Variants in COL4A6 observed in about 807,000 individuals in gnomAD.
The protein encoded by COL4A6 is collagen alpha-6(IV) chain.
Under a neutral mutation model 126.7 loss-of-function variants are expected in COL4A6, and 59 were observed. The observed-to-expected ratio is 0.47, with a 90% CI of 0.38 to 0.58. The LOEUF is 0.58. Ranked by LOEUF, COL4A6 falls within the 20% of genes least tolerant of loss-of-function variation. The pLI is 0.00. For synonymous variants in COL4A6, 547 were observed against 496.6 expected, an observed-to-expected ratio of 1.10 and a Z score of -1.35; for missense variants, 1,285 against 1,337.3, an observed-to-expected ratio of 0.96 and a Z score of 0.61.
chrX:108,179,704 TGAA>T (rs890220975), intron 25 of COL4A6, among the ~76,000 whole-genome samples: 2 of 108,156 alleles, frequency 1.8e-5, no homozygotes, highest in African/African-American at 6.8e-5. Context: ...CTACAGTTGT[TGAA>T]GAACACACGC....
intron 3 of COL4A6, among the ~76,000 whole-genome samples, chrX:108,292,764 C>T (rs11092606): frequency 9.2e-6 from 1 of 109,035 alleles, no homozygotes; most frequent in Non-Finnish European, 1.9e-5. Flanking sequence ...CCCTGAAAGT[C>T]TCAGCCCCCA....
chrX:108,174,255 G>C (rs1219676357), intron 31 of COL4A6, among the ~76,000 whole-genome samples, 185 bp downstream of exon 31: 1 of 111,874 alleles, frequency 8.9e-6, no homozygotes. Flanking sequence ...CAAAAGAACA[G>C]AGGAGGAGAT....
chrX:108,226,514 A>G (rs1448250335), intron 3 of COL4A6, among the ~76,000 whole-genome samples: 1 of 110,958 alleles, frequency 9.0e-6, no homozygotes, highest in African/African-American at 3.3e-5. Context: ...GCTTTAATCT[A>G]CATACTAATG....
At chrX:108,218,643 C>T (rs952030543) in intron 5 of COL4A6, among the ~76,000 whole-genome samples, 10 of 111,738 alleles carry the variant, frequency 8.9e-5, no homozygotes, top group Non-Finnish European at 1.9e-4. Context: ...AGCAGGGGCA[C>T]GTTAAATATC....
intron 3 of COL4A6, among the ~76,000 whole-genome samples, chrX:108,244,028 T>C (rs2036647380): frequency 1.8e-5 from 2 of 111,981 alleles, no homozygotes; most frequent in Admixed American, 1.9e-4. Context: ...ATTTGTATTT[T>C]CTTAACCAAG....
At chrX:108,301,682 C>CTTAATCTCTCTGAAACTTTCT (rs1471231468) in intron 3 of COL4A6, among the ~76,000 whole-genome samples, 1 of 111,678 alleles carries the variant, frequency 9.0e-6, no homozygotes, top group African/African-American at 3.3e-5. Flanking sequence ...GGGACAGTCT[C>CTTAATCTCTCTGAAACTTTCT]TTAATCTCTC....
At chrX:108,377,388 T>A (rs1603189334) in intron 2 of COL4A6, among the ~76,000 whole-genome samples, 1 of 109,153 alleles carries the variant, frequency 9.2e-6, no homozygotes, top group African/African-American at 3.3e-5. Flanking sequence ...TCTTCCTCTT[T>A]CTTTTTTTTT....
chrX:108,192,963 A>G (rs769564559), intron 17 of COL4A6, among the ~76,000 whole-genome samples: 2 of 112,486 alleles, frequency 1.8e-5, no homozygotes, highest in Non-Finnish European at 1.9e-5. Flanking sequence ...CCACTGTCAA[A>G]TATTAATACC....
intron 2 of COL4A6, among the ~76,000 whole-genome samples, chrX:108,368,116 G>T (rs182403535): frequency 4.8e-4 from 52 of 108,622 alleles, no homozygotes; most frequent in African/African-American, 1.6e-3. Context: ...AACCACCATG[G>T]TGCCTTCTGA....
chrX:108,209,965 T>G lies in COL4A6; in HGVS notation c.546+4A>C. The stretch of plus-strand genomic sequence containing the variant: ...GAGAGCTCAACACATAAATAACAAC[T>G]TACAGTGATTCCATCCAGTCCAGGC... On this transcript the variant is annotated splice_donor_region_variant and intron_variant, in intron 8 of 44. Transcript: ENST00000334504. 1 of 1,209,023 alleles carries G rather than the reference T, an allele frequency of 8.3e-7. No homozygotes were observed. The highest frequency in any genetic ancestry group is 1.1e-6 in the Non-Finnish European group (1 of 894,076).
chrX:108,242,996 T>C (rs943205459), intron 3 of COL4A6, among the ~76,000 whole-genome samples: 1 of 111,585 alleles, frequency 9.0e-6, no homozygotes, highest in Non-Finnish European at 1.9e-5. Context: ...CTAGATACTC[T>C]CAATCAGTTC....
At chrX:108,389,087 G>T (rs2040771897) in intron 2 of COL4A6, among the ~76,000 whole-genome samples, 2 of 111,932 alleles carry the variant, frequency 1.8e-5, no homozygotes, top group Non-Finnish European at 3.8e-5. Context: ...AGACTGTTTT[G>T]TTATGATTTC....
intron 3 of COL4A6, among the ~76,000 whole-genome samples, chrX:108,283,283 A>G (rs1018570294): frequency 8.9e-6 from 1 of 112,102 alleles, no homozygotes; most frequent in African/African-American, 3.2e-5. Context: ...TGGCTAGATG[A>G]TAACTAAAGG....
intron 37 of COL4A6, among the ~76,000 whole-genome samples, chrX:108,166,672 C>T (rs1292521095): frequency 1.8e-5 from 2 of 111,407 alleles, no homozygotes; most frequent in African/African-American, 6.5e-5. Flanking sequence ...AGAAAAGTCT[C>T]TCTAGGTTTC....
chrX:108,188,740 G>T, intron 20 of COL4A6, 63 bp from the exon 21 acceptor site: 1 of 1,006,823 alleles, frequency 9.9e-7, no homozygotes, highest in Non-Finnish European at 1.3e-6. Flanking sequence ...ATAAAGAATT[G>T]ATCATGGTTA....
chrX:108,394,243 G>A (rs773274142), intron 2 of COL4A6, among the ~76,000 whole-genome samples: 2 of 110,143 alleles, frequency 1.8e-5, no homozygotes, highest in Admixed American at 9.7e-5. Context: ...CATGGACACA[G>A]GGAGGGGAAC....
intron 6 of COL4A6, among the ~76,000 whole-genome samples, chrX:108,212,964 G>A (rs1453509106): frequency 9.0e-6 from 1 of 111,609 alleles, no homozygotes; most frequent in African/African-American, 3.3e-5. Flanking sequence ...TCTATACCTG[G>A]TTGCCATGGC....
At chrX:108,395,108 C>A (rs773447844) in intron 2 of COL4A6, among the ~76,000 whole-genome samples, 4 of 111,424 alleles carry the variant, frequency 3.6e-5, no homozygotes, top group Non-Finnish European at 7.5e-5. Context: ...ATATTAATGT[C>A]ATCACCATTC....
intron 11 of COL4A6, among the ~76,000 whole-genome samples, chrX:108,204,974 A>G (rs2035502183): frequency 9.2e-6 from 1 of 108,935 alleles, no homozygotes; most frequent in Non-Finnish European, 1.9e-5. Flanking sequence ...AGGTTAAAGA[A>G]GAGAGATAGA....
Sources: allele counts gnomAD v4.1 joint callset (sites outside exome capture counted in the v4.1 genomes callset), GRCh38; gene constraint gnomAD v4.1.1; transcripts MANE v1.5; gene names NCBI Gene and HGNC (gene_info 2026-07-23, HGNC 2026-07-21).